TMCC2: variants seen among roughly 807,000 people sequenced by gnomAD.
The protein encoded by TMCC2 is transmembrane and coiled-coil domain family 2.
TMCC2 carries 16 observed loss-of-function variants against 49.4 expected under a neutral mutation model. The ratio of observed to expected loss-of-function variants is 0.32; its 90% CI spans 0.22 to 0.49. The LOEUF is 0.49. Ranked by LOEUF, TMCC2 falls within the 20% of genes least tolerant of loss-of-function variation. The probability of loss-of-function intolerance (pLI) is 0.99; values close to 1 mark genes in which losing one functional copy is unlikely to be tolerated. For missense variants in TMCC2, 762 were observed against 989.8 expected (o/e 0.77, Z 3.09); for synonymous variants, 397 against 434.1 (o/e 0.91, Z 1.06).
chr1:205,258,485 C>G (rs114511751), intron 2 of TMCC2, among the ~76,000 whole-genome samples: 1 of 152,110 alleles, frequency 6.6e-6, no homozygotes, highest in African/African-American at 2.4e-5. Context: ...CCAATTAAAC[C>G]GATAGGTAGG....
chr1:205,269,998 G>A lies in TMCC2; in HGVS notation c.1682+114G>A, dbSNP rs183822219. ...GTCAGAGGAGCATCCTCAGCCTCCTGGCTGCTGGAAGGAGCCAGCACGAGG... is the reference window on the plus strand; with the variant it reads ...GTCAGAGGAGCATCCTCAGCCTCCTAGCTGCTGGAAGGAGCCAGCACGAGG... On this transcript the variant is annotated intron_variant, in intron 3 of 4. Transcript: ENST00000358024. The A allele has an allele frequency of 3.6e-4, 369 of 1,029,834 alleles. 2 individuals carry two copies. In the African/African-American group the frequency reaches 5.3e-3, roughly 15 times the overall value. The allele number at this position is 1,029,834 out of a possible 1,614,324, so 63.8% of individuals were successfully genotyped here. A position where few individuals can be genotyped will look rare whatever the true frequency, so the allele number is the denominator to read the frequency against.
At position 205,228,004 on chromosome 1, in the gene TMCC2, C is replaced by G. The variant is rs1199577784; in HGVS notation, c.-561C>G. Among the ~76,000 whole-genome samples the G allele has an allele frequency of 6.8e-6, 1 of 148,076 alleles. No individual in the cohort carries two copies. Among genetic ancestry groups the G allele is most frequent in the East Asian group, 1.9e-4 (1 of 5,134 alleles). On this transcript the variant is annotated 5_prime_UTR_variant, in exon 1 of 5. Coordinates refer to ENST00000358024, the MANE Select transcript of TMCC2 (RefSeq NM_014858.4). Reference sequence around the variant, plus strand: ...GCTTTGCGGCAGGCTGCGCGTCAGGCGGGGAGCGGGGCGCGCGGGCCGGGG... The same window carrying G: ...GCTTTGCGGCAGGCTGCGCGTCAGGGGGGGAGCGGGGCGCGCGGGCCGGGG...
At chr1:205,244,552 CG>C (rs1050016501) in intron 2 of TMCC2, among the ~76,000 whole-genome samples, 5 of 152,128 alleles carry the variant, frequency 3.3e-5, no homozygotes, top group East Asian at 1.9e-4. Flanking sequence ...CAGGAACTCA[CG>C]GGTGACCTGT....
At position 205,269,559 on chromosome 1, in the gene TMCC2, C is replaced by T; in HGVS notation, c.1357C>T (p.Pro453Ser). Residue 453 changes from proline to serine, a missense_variant, in exon 3 of 5, where the codon CCC (proline) becomes TCC (serine). Around this residue, in one of 2 missense-constraint regions of TMCC2, gnomAD observed 440 missense variants for 636.7 expected, o/e 0.69. Coordinates refer to ENST00000358024, the MANE Select transcript of TMCC2 (RefSeq NM_014858.4). ...CCTGAAGGACCCCCTGGAAGATGGG[C>T]CCCCTGAGGAGGCAGCCCGGGCACT... ...AHLKDPLEDG[P>S]PEEAARALSG... 6.2e-7 allele frequency: 1 copy of T among 1,613,832 alleles called. No homozygotes were observed. The highest frequency in any genetic ancestry group is 8.5e-7 in the Non-Finnish European group (1 of 1,179,944).
intron 2 of TMCC2, among the ~76,000 whole-genome samples, chr1:205,242,619 C>T (rs369824566): frequency 1.6e-4 from 25 of 152,242 alleles, no homozygotes; most frequent in African/African-American, 5.8e-4. Flanking sequence ...TTCTTTTATT[C>T]GTGTAACAAG....
At chr1:205,258,392 C>A (rs1036229651) in intron 2 of TMCC2, among the ~76,000 whole-genome samples, 1 of 152,100 alleles carries the variant, frequency 6.6e-6, no homozygotes, top group Non-Finnish European at 1.5e-5. Flanking sequence ...GACTCAGGTC[C>A]ATACTGCCCC....
At chr1:205,242,965 T>C (rs1050344157) in intron 2 of TMCC2, among the ~76,000 whole-genome samples, 6 of 152,308 alleles carry the variant, frequency 3.9e-5, no homozygotes, top group Admixed American at 3.3e-4. Flanking sequence ...CTTTTGGGGA[T>C]TGACAGGTAG....
At chr1:205,270,451 C>A (rs1253606237) in intron 3 of TMCC2, among the ~76,000 whole-genome samples, 1 of 152,228 alleles carries the variant, frequency 6.6e-6, no homozygotes, top group East Asian at 1.9e-4. Context: ...GCCTCTCCTT[C>A]TGTGTCTCCC....
At chr1:205,242,595 A>G (rs1199147644) in intron 2 of TMCC2, among the ~76,000 whole-genome samples, 1 of 152,198 alleles carries the variant, frequency 6.6e-6, no homozygotes, top group African/African-American at 2.4e-5. Context: ...GCACTTCATG[A>G]ATTTATATAT....
At chr1:205,268,786 G>A (rs1478556963) in intron 2 of TMCC2, 164 bp from the exon 3 acceptor site, 1 of 655,158 alleles carries the variant, frequency 1.5e-6, no homozygotes, top group Non-Finnish European at 2.6e-6. Flanking sequence ...AGATGTGAAA[G>A]CCCTGTGTAA....
At position 205,228,554 on chromosome 1, in the gene TMCC2, C is replaced by T. The variant is rs374736860; in HGVS notation, c.-11C>T. 16 of 1,588,408 alleles carry T rather than the reference C, an allele frequency of 1.0e-5. No homozygotes were observed. In the African/African-American group the frequency reaches 1.7e-4, roughly 17 times the overall value. On this transcript the variant is annotated 5_prime_UTR_variant, in exon 1 of 5. Transcript: ENST00000358024. ...GGAAGGACAGATTCCCCTTGCCGAC[C>T]CACATACACCATGAAGAGGTGCAGA...
At chr1:205,266,523 G>T (rs1478598439) in intron 2 of TMCC2, among the ~76,000 whole-genome samples, 1 of 151,186 alleles carries the variant, frequency 6.6e-6, no homozygotes, top group South Asian at 2.1e-4. Flanking sequence ...AACCCAGGAG[G>T]CATAGGTTGC....
Position 205,230,574 on chromosome 1 carries a change from G to A in TMCC2, c.207+1803G>A, listed in dbSNP as rs74368125. Among the ~76,000 whole-genome samples the A allele has an allele frequency of 4.9e-4, 75 of 152,258 alleles. 1 individual carries two copies. In the East Asian group the frequency reaches 0.012, roughly 24 times the overall value. ...GCAGACTTCAGCCTCATTCTGAGCC[G>A]GTCCAGATGAGTCTGGCCAGCAAAC... is the stretch of plus-strand genomic sequence containing the variant. On this transcript the variant is annotated intron_variant, in intron 1 of 4. Transcript: ENST00000358024.
chr1:205,269,503 A>G lies in TMCC2; in HGVS notation c.1301A>G (p.Asn434Ser), dbSNP rs1661492387. The G allele has an allele frequency of 1.9e-6, 3 of 1,609,696 alleles. No homozygotes were observed. The highest frequency in any genetic ancestry group is 3.3e-5 in the Admixed American group (2 of 59,924). Residue 434 changes from asparagine to serine, a missense_variant, in exon 3 of 5, where the codon AAC becomes AGC. Coordinates refer to ENST00000358024, the MANE Select transcript of TMCC2 (RefSeq NM_014858.4). ...KPREFASLIR[N>S]KFGSADNIAH... ...CGGGAGTTTGCCAGCCTCATCCGCAACAAGTTTGGCAGTGCTGACAACATC... is the reference window on the plus strand; with the variant it reads ...CGGGAGTTTGCCAGCCTCATCCGCAGCAAGTTTGGCAGTGCTGACAACATC...
intron 2 of TMCC2, among the ~76,000 whole-genome samples, chr1:205,248,265 C>T (rs545441783): frequency 2.6e-5 from 4 of 151,996 alleles, no homozygotes; most frequent in East Asian, 3.9e-4. Context: ...AAAAATTAGC[C>T]GGGTGTGGTA....
chr1:205,229,521 T>C (rs1659697114), intron 1 of TMCC2: 2 of 553,704 alleles, frequency 3.6e-6, no homozygotes, highest in South Asian at 8.8e-5. Flanking sequence ...TGGATGAAGC[T>C]CAGTTTGCCG....
chr1:205,261,431 G>A (rs1246319493), intron 2 of TMCC2, among the ~76,000 whole-genome samples: 2 of 151,758 alleles, frequency 1.3e-5, no homozygotes, highest in African/African-American at 4.8e-5. Context: ...TTAAACTCCT[G>A]GACTCAAGCA....
intron 2 of TMCC2, among the ~76,000 whole-genome samples, chr1:205,261,633 C>A (rs1017304741): frequency 1.3e-5 from 2 of 151,296 alleles, no homozygotes; most frequent in African/African-American, 2.4e-5. Flanking sequence ...GATCCACGAT[C>A]ATGCCATTGC....
chr1:205,261,426 C>T (rs950701072), intron 2 of TMCC2, among the ~76,000 whole-genome samples: 9 of 152,046 alleles, frequency 5.9e-5, no homozygotes, highest in African/African-American at 2.2e-4. Flanking sequence ...TGGTCTTAAA[C>T]TCCTGGACTC....
Sources: gnomAD v4.1 joint callset for allele counts (sites outside exome capture counted in the v4.1 genomes callset) on GRCh38, gnomAD v4.1.1 for gene constraint, gnomAD v4.1.1 regional missense constraint, MANE v1.5 for transcripts, NCBI Gene and HGNC (gene_info 2026-07-23, HGNC 2026-07-21) for gene names.